ASAP2: variants seen among roughly 807,000 people sequenced by gnomAD.
The protein encoded by ASAP2 is ArfGAP with SH3 domain, ankyrin repeat and PH domain 2.
ASAP2 carries 45 observed loss-of-function variants against 131.4 expected under a neutral mutation model. The ratio of observed to expected loss-of-function variants is 0.34; its 90% CI spans 0.27 to 0.44. ASAP2 has a LOEUF of 0.44. ASAP2 is among the 20% of genes least tolerant of loss of function. The pLI is 1.00. For missense variants in ASAP2, 1,011 were observed against 1,297.0 expected, an observed-to-expected ratio of 0.78 and a Z score of 3.39; for synonymous variants, 510 against 503.0, an observed-to-expected ratio of 1.01 and a Z score of -0.19.
chr2:9,222,896 A>C (rs1662527648), intron 1 of ASAP2, among the ~76,000 whole-genome samples: 1 of 152,160 alleles, frequency 6.6e-6, no homozygotes, highest in Non-Finnish European at 1.5e-5. Flanking sequence ...TCCAAAGCTT[A>C]AAATTCTCCT....
intron 1 of ASAP2, among the ~76,000 whole-genome samples, chr2:9,234,457 C>T (rs867089272): frequency 6.6e-6 from 1 of 152,150 alleles, no homozygotes; most frequent in Non-Finnish European, 1.5e-5. Flanking sequence ...AATGGCGGCG[C>T]GTGGCCTTGC....
chr2:9,248,582 G>A (rs940657419), intron 1 of ASAP2, among the ~76,000 whole-genome samples: 1 of 152,014 alleles, frequency 6.6e-6, no homozygotes, highest in Admixed American at 6.6e-5. Context: ...AACCTCAGAG[G>A]TGTGTTCAGA....
At chr2:9,371,272 G>C (rs1673934885) in intron 16 of ASAP2, among the ~76,000 whole-genome samples, 1 of 152,114 alleles carries the variant, frequency 6.6e-6, no homozygotes. Flanking sequence ...TACTTTCTTG[G>C]CTCTGTGCTC....
intron 24 of ASAP2, among the ~76,000 whole-genome samples, chr2:9,397,285 C>T (rs900648429): frequency 4.6e-5 from 7 of 152,182 alleles, no homozygotes; most frequent in African/African-American, 1.2e-4. Flanking sequence ...CTCTGAGAAC[C>T]GTGGTTGTCA....
At chr2:9,378,887 C>T (rs1164543449) in intron 18 of ASAP2, 57 bp from the exon 19 acceptor site, 20 of 1,273,374 alleles carry the variant, frequency 1.6e-5, no homozygotes, top group Non-Finnish European at 2.0e-5. Context: ...CCGGGCAGTC[C>T]CTGGTCGTCC....
intron 1 of ASAP2, among the ~76,000 whole-genome samples, chr2:9,276,211 G>A (rs1666749836): frequency 6.6e-6 from 1 of 152,202 alleles, no homozygotes; most frequent in Non-Finnish European, 1.5e-5. Flanking sequence ...CTAAGCACAG[G>A]GCATTATGGG....
At chr2:9,343,302 G>A (rs753267161) in intron 9 of ASAP2, among the ~76,000 whole-genome samples, 3 of 152,256 alleles carry the variant, frequency 2.0e-5, no homozygotes, top group South Asian at 4.1e-4. Flanking sequence ...AGCAGCCCTC[G>A]GCCCTTTCCT....
At chr2:9,302,332 C>T (rs1191652221) in intron 3 of ASAP2, among the ~76,000 whole-genome samples, 1 of 151,500 alleles carries the variant, frequency 6.6e-6, no homozygotes, top group Non-Finnish European at 1.5e-5. Flanking sequence ...GCCACCATGC[C>T]CAGCTAATTT....
rs1572175932 is a variant in ASAP2 at position 9,215,156 on chromosome 2, G to T, written c.126+7926G>T. 2.0e-5 allele frequency among the ~76,000 whole-genome samples: 3 copies of T among 152,206 alleles called. No individual in the cohort carries two copies. The South Asian group carries it at 6.2e-4, about 32-fold the overall frequency. The stretch of plus-strand genomic sequence containing the variant: ...ACAGCATGCCACTGTGTTGAATACC[G>T]TGGTAACTGCGACACAGTTACAGTA... On this transcript the variant is annotated intron_variant, in intron 1 of 27. Transcript: ENST00000281419.
At chr2:9,388,636 G>GCCCA in intron 22 of ASAP2, 90 bp downstream of exon 22, 1 of 1,512,960 alleles carries the variant, frequency 6.6e-7, no homozygotes, top group South Asian at 1.3e-5. Context: ...CCAACTCAGT[G>GCCCA]ACCTTTGGGC....
At chr2:9,254,694 A>C (rs1238051267) in intron 1 of ASAP2, among the ~76,000 whole-genome samples, 1 of 150,352 alleles carries the variant, frequency 6.7e-6, no homozygotes, top group Admixed American at 6.6e-5. Context: ...ACTTTATCAG[A>C]GGTATGTGTG....
chr2:9,320,272 T>C lies in ASAP2; in HGVS notation c.421-16T>C. 6.2e-7 allele frequency: 1 copy of C among 1,603,974 alleles called. No homozygotes were observed. The highest frequency in any genetic ancestry group is 8.5e-7 in the Non-Finnish European group (1 of 1,172,024). On this transcript the variant is annotated splice_polypyrimidine_tract_variant and intron_variant, in intron 4 of 27. Transcript: ENST00000281419. ...GAATGATTAGTCTTGCCTAATTTAT[T>C]ATTCTTTGTTTACAGGATCTGAAAA...
At chr2:9,252,641 T>G (rs1339551426) in intron 1 of ASAP2, among the ~76,000 whole-genome samples, 1 of 148,872 alleles carries the variant, frequency 6.7e-6, no homozygotes, top group Admixed American at 6.6e-5. Context: ...CACGGCCGGG[T>G]GCAGTGGCTC....
Position 9,374,910 on chromosome 2 carries a change from A to T in ASAP2, c.1712A>T (p.Asp571Val). Residue 571 changes from aspartate (D) to valine (V), a missense_variant, in exon 17 of 28, where the codon GAT becomes GTT. Asp to Val is a radical substitution (Grantham distance 152). This residue lies in a region of ASAP2 where 652 missense variants were observed against 698.9 expected (regional missense o/e 0.93). Transcript: ENST00000281419. ...CTCCAAGCTTATGCTGATGGTGTGG[A>T]TCTTACGGAAAAAATCCCACTGGCC... The part of the protein sequence containing the change: ...GLLQAYADGV[D>V]LTEKIPLANG... 2 of 1,611,260 alleles carry T rather than the reference A, an allele frequency of 1.2e-6. No individual in the cohort carries two copies. Among genetic ancestry groups the T allele is most frequent in the Non-Finnish European group, 1.7e-6 (2 of 1,179,188 alleles).
intron 24 of ASAP2, chr2:9,399,503 C>CGG: frequency 6.4e-6 from 1 of 156,206 alleles, no homozygotes; most frequent in Non-Finnish European, 1.4e-5. Context: ...GTGTTTCTAC[C>CGG]TTGTGGCTTT....
At chr2:9,270,573 A>G (rs1325892243) in intron 1 of ASAP2, among the ~76,000 whole-genome samples, 1 of 151,962 alleles carries the variant, frequency 6.6e-6, no homozygotes, top group African/African-American at 2.4e-5. Context: ...CTTTTGTGTT[A>G]CATCTCAATT....
At chr2:9,327,797 C>T (rs1402857985) in intron 6 of ASAP2, 29 bp from the exon 7 acceptor site, 3 of 1,534,178 alleles carry the variant, frequency 2.0e-6, no homozygotes, top group Non-Finnish European at 2.7e-6. Flanking sequence ...TGCTTACTTC[C>T]ATGACATTTC....
At chr2:9,255,992 T>G (rs1298528848) in intron 1 of ASAP2, among the ~76,000 whole-genome samples, 1 of 152,146 alleles carries the variant, frequency 6.6e-6, no homozygotes, top group Non-Finnish European at 1.5e-5. Flanking sequence ...TCCAGTGATC[T>G]GGCTCTATAG....
At chr2:9,262,802 C>T (rs1375050616) in intron 1 of ASAP2, among the ~76,000 whole-genome samples, 2 of 152,196 alleles carry the variant, frequency 1.3e-5, no homozygotes, top group Non-Finnish European at 2.9e-5. Flanking sequence ...CCCCAGCACA[C>T]GGTGTGATGA....
Sources: gnomAD v4.1 joint callset for allele counts (sites outside exome capture counted in the v4.1 genomes callset) on GRCh38, gnomAD v4.1.1 for gene constraint, gnomAD v4.1.1 regional missense constraint, MANE v1.5 for transcripts, NCBI Gene and HGNC (gene_info 2026-07-23, HGNC 2026-07-21) for gene names.